The following STX8 variants were observed in gnomAD, a reference collection of about 807,000 sequenced individuals.
STX8 encodes syntaxin 8.
Under a neutral mutation model 37.5 loss-of-function variants are expected in STX8, and 23 were observed. That is an observed-to-expected ratio of 0.61 (90% CI 0.44 to 0.87). The LOEUF is 0.87. STX8 is among the 40% of genes least tolerant of loss of function. The pLI is 0.00. For missense variants in STX8, 313 were observed against 284.7 expected, an observed-to-expected ratio of 1.10 and a Z score of -0.71; for synonymous variants, 115 against 99.1, an observed-to-expected ratio of 1.16 and a Z score of -0.95.
intron 7 of STX8, among the ~76,000 whole-genome samples, chr17:9,357,921 A>T (rs1360624894): frequency 2.0e-5 from 3 of 152,194 alleles, no homozygotes; most frequent in Non-Finnish European, 4.4e-5. Context: ...TTTCCAGAAT[A>T]AGTAGCTAAG....
intron 7 of STX8, among the ~76,000 whole-genome samples, chr17:9,372,038 C>T (rs1370359245): frequency 1.3e-5 from 2 of 152,094 alleles, no homozygotes; most frequent in African/African-American, 2.4e-5. Context: ...CTAGAATATG[C>T]TTTCCTCCAG....
At chr17:9,519,362 AT>A (rs112855565) in intron 4 of STX8, among the ~76,000 whole-genome samples, 1,668 of 149,936 alleles carry the variant, frequency 0.011, 25 homozygotes, top group African/African-American at 0.038. Flanking sequence ...CATCCAAGCC[AT>A]TTTTTTTTTT....
At chr17:9,443,323 A>T (rs780952685) in intron 6 of STX8, among the ~76,000 whole-genome samples, 6 of 152,220 alleles carry the variant, frequency 3.9e-5, no homozygotes, top group Non-Finnish European at 8.8e-5. Flanking sequence ...GAACAGAACT[A>T]GAGTCACTCA....
chr17:9,372,721 C>T (rs1776405633), intron 7 of STX8, among the ~76,000 whole-genome samples: 2 of 151,424 alleles, frequency 1.3e-5, no homozygotes, highest in African/African-American at 4.8e-5. Flanking sequence ...TGTGATCCAC[C>T]CGCCTCGGCC....
At chr17:9,463,865 G>A (rs1012641509) in intron 6 of STX8, among the ~76,000 whole-genome samples, 4 of 150,628 alleles carry the variant, frequency 2.7e-5, no homozygotes, top group Non-Finnish European at 4.4e-5. Context: ...CTGAGATTGC[G>A]CCATTGTACT....
chr17:9,494,593 GT>G (rs1257419985), intron 5 of STX8, among the ~76,000 whole-genome samples: 2 of 107,564 alleles, frequency 1.9e-5, no homozygotes, highest in Non-Finnish European at 3.4e-5. Flanking sequence ...TCCAGCCTGG[GT>G]AACAGAGTGA....
At chr17:9,457,911 T>A (rs565463604) in intron 6 of STX8, among the ~76,000 whole-genome samples, 1 of 152,326 alleles carries the variant, frequency 6.6e-6, no homozygotes, top group African/African-American at 2.4e-5. Flanking sequence ...AGGTTCACTG[T>A]GATTGGCATA....
At chr17:9,534,338 A>G (rs1905943212) in intron 4 of STX8, among the ~76,000 whole-genome samples, 2 of 136,184 alleles carry the variant, frequency 1.5e-5, no homozygotes, top group Non-Finnish European at 3.0e-5. Context: ...CCTTGGAGAA[A>G]CAAACAAACA....
chr17:9,386,932 CG>C (rs1912034364), intron 6 of STX8, among the ~76,000 whole-genome samples: 1 of 152,004 alleles, frequency 6.6e-6, no homozygotes, highest in Admixed American at 6.6e-5. Flanking sequence ...TGCAGTGGCG[CG>C]ATCTCAGCTC....
intron 4 of STX8, among the ~76,000 whole-genome samples, chr17:9,515,467 C>T (rs8066194): frequency 0.016 from 2,493 of 151,976 alleles, 65 homozygotes; most frequent in African/African-American, 0.057. Context: ...TTTACTAAAA[C>T]GACAGGTGTG....
chr17:9,292,204 C>T (rs186795790), intron 7 of STX8, among the ~76,000 whole-genome samples: 45 of 152,340 alleles, frequency 3.0e-4, no homozygotes, highest in Non-Finnish European at 6.0e-4. Flanking sequence ...CAAAGAAGAA[C>T]CTCAGACAAA....
chr17:9,260,945 G>A (rs934526745), intron 7 of STX8, among the ~76,000 whole-genome samples: 1 of 152,236 alleles, frequency 6.6e-6, no homozygotes, highest in African/African-American at 2.4e-5. Context: ...AGAGAACGGT[G>A]TGAAGAGAGA....
chr17:9,526,704 T>C (rs1465389474), intron 4 of STX8, among the ~76,000 whole-genome samples: 2 of 152,056 alleles, frequency 1.3e-5, no homozygotes, highest in African/African-American at 4.8e-5. Context: ...ACCCTGTCTC[T>C]ACTAAAAATA....
intron 7 of STX8, among the ~76,000 whole-genome samples, chr17:9,291,080 A>C (rs1908296218): frequency 6.6e-6 from 1 of 152,240 alleles, no homozygotes. Context: ...TGTGTTGTAT[A>C]AAATCACTGT....
At chr17:9,398,339 G>A (rs1432878434) in intron 6 of STX8, among the ~76,000 whole-genome samples, 2 of 152,150 alleles carry the variant, frequency 1.3e-5, no homozygotes, top group African/African-American at 4.8e-5. Flanking sequence ...CATAACCCCA[G>A]TGTTATCATA....
Position 9,364,490 on chromosome 17 carries a change from A to C in STX8, c.643+14062T>G, listed in dbSNP as rs570888962. 4.6e-5 allele frequency among the ~76,000 whole-genome samples: 7 copies of C among 152,266 alleles called. No individual in the cohort carries two copies. In the East Asian group the frequency reaches 1.3e-3, roughly 29 times the overall value. Reference sequence around the variant, plus strand: ...GACCTGCCTTATTTATCTTTGTAATAATGATAGCTAGGTAGATATTTGCTA... The same window carrying C: ...GACCTGCCTTATTTATCTTTGTAATCATGATAGCTAGGTAGATATTTGCTA... On this transcript the variant is annotated intron_variant, in intron 7 of 7. Transcript: ENST00000306357.
intron 6 of STX8, among the ~76,000 whole-genome samples, chr17:9,418,530 A>C (rs1307138250): frequency 2.0e-5 from 3 of 149,628 alleles, no homozygotes; most frequent in Non-Finnish European, 4.4e-5. Flanking sequence ...AAAAAAAAAA[A>C]ACAAAAAAAA....
At chr17:9,405,795 G>A (rs1355780354) in intron 6 of STX8, among the ~76,000 whole-genome samples, 1 of 152,154 alleles carries the variant, frequency 6.6e-6, no homozygotes, top group East Asian at 1.9e-4. Flanking sequence ...GTTGATGGAA[G>A]TTGCTTCACC....
Position 9,549,732 on chromosome 17 carries a change from G to C in STX8, c.213-4450C>G, listed in dbSNP as rs544758460. 2.6e-5 allele frequency among the ~76,000 whole-genome samples: 4 copies of C among 152,300 alleles called. No homozygotes were observed. The East Asian group carries it at 5.8e-4, about 22-fold the overall frequency. Reference sequence around the variant, plus strand: ...AGAGCATAAGGAGATGGGGAGGAGGGAGATGGAATGAGAATAAATTGATTA... The same window carrying C: ...AGAGCATAAGGAGATGGGGAGGAGGCAGATGGAATGAGAATAAATTGATTA... On this transcript the variant is annotated intron_variant, in intron 3 of 7. Transcript: ENST00000306357.
Sources: gnomAD v4.1 joint callset for allele counts (sites outside exome capture counted in the v4.1 genomes callset) on GRCh38, gnomAD v4.1.1 for gene constraint, MANE v1.5 for transcripts, NCBI Gene and HGNC (gene_info 2026-07-23, HGNC 2026-07-21) for gene names.